CSMD1: variants seen among roughly 807,000 people sequenced by gnomAD.
CSMD1 encodes CUB and Sushi multiple domains 1.
In CSMD1, 213 loss-of-function variants were observed where a neutral mutation model predicts 417.5. The ratio of observed to expected loss-of-function variants is 0.51; its 90% CI spans 0.46 to 0.57. CSMD1 has a LOEUF of 0.57. Ranked by LOEUF, CSMD1 falls within the 20% of genes least tolerant of loss-of-function variation. The pLI is 0.00. For missense variants in CSMD1, 6,923 were observed against 4,529.7 expected (o/e 1.53, Z -15.17); for synonymous variants, 2,862 against 1,736.8 (o/e 1.65, Z -16.11).
At chr8:3,602,521 A>G (rs1047009894) in intron 8 of CSMD1, among the ~76,000 whole-genome samples, 2 of 152,172 alleles carry the variant, frequency 1.3e-5, no homozygotes, top group Admixed American at 6.6e-5. Flanking sequence ...CATATCACTG[A>G]TGATGATCTC....
chr8:4,991,126 A>G (rs748106759), intron 1 of CSMD1, among the ~76,000 whole-genome samples: 25 of 152,166 alleles, frequency 1.6e-4, no homozygotes, highest in Non-Finnish European at 2.9e-4. Flanking sequence ...ACAACTGAGA[A>G]GGAAACTTCT....
At chr8:4,107,268 G>T (rs922476871) in intron 3 of CSMD1, among the ~76,000 whole-genome samples, 1 of 152,132 alleles carries the variant, frequency 6.6e-6, no homozygotes, top group Non-Finnish European at 1.5e-5. Flanking sequence ...GATTCAAAGT[G>T]CTTGCCATTT....
chr8:4,754,651 A>T (rs1216025524), intron 1 of CSMD1, among the ~76,000 whole-genome samples: 1 of 151,926 alleles, frequency 6.6e-6, no homozygotes, highest in Non-Finnish European at 1.5e-5. Context: ...GGAGATCGAG[A>T]CAATCCTGGC....
chr8:4,466,864 A>G (rs939860986), intron 2 of CSMD1, among the ~76,000 whole-genome samples: 3 of 152,128 alleles, frequency 2.0e-5, no homozygotes, highest in African/African-American at 7.2e-5. Context: ...AGATGACTTC[A>G]GCGATGAGAC....
At chr8:2,948,745 C>A (rs1275966855) in intron 68 of CSMD1, among the ~76,000 whole-genome samples, 3 of 152,048 alleles carry the variant, frequency 2.0e-5, no homozygotes, top group Non-Finnish European at 4.4e-5. Context: ...AAATTCTAGA[C>A]AGAAAATTGT....
chr8:4,950,163 T>A (rs1477616516), intron 1 of CSMD1, among the ~76,000 whole-genome samples: 4 of 152,216 alleles, frequency 2.6e-5, no homozygotes, highest in African/African-American at 9.6e-5. Context: ...CACACTTTTG[T>A]ATATGATTGT....
In CSMD1 at chr8:4,932,774, G is replaced by T. The variant is rs144653048; in HGVS notation, c.85+61558C>A. On this transcript the variant is annotated intron_variant, in intron 1 of 69. Transcript: ENST00000635120. ...TAATCCAAGCTTACACTGACTTAAAGGTAAATTTTTAAATATTCAATAGAG... is the reference window on the plus strand; with the variant it reads ...TAATCCAAGCTTACACTGACTTAAATGTAAATTTTTAAATATTCAATAGAG... Among the ~76,000 whole-genome samples the T allele has an allele frequency of 2.7e-4, 41 of 152,208 alleles. No individual in the cohort carries two copies. The East Asian group carries it at 5.8e-3, about 22-fold the overall frequency.
chr8:4,306,175 T>A (rs1585198349), intron 3 of CSMD1, among the ~76,000 whole-genome samples: 1 of 152,230 alleles, frequency 6.6e-6, no homozygotes, highest in Non-Finnish European at 1.5e-5. Context: ...TAAAACACGC[T>A]GAAGTTGTCT....
At chr8:3,108,861 T>C (rs1276169489) in intron 43 of CSMD1, 113 bp from the exon 44 acceptor site, 2 of 1,021,226 alleles carry the variant, frequency 2.0e-6, no homozygotes, top group Non-Finnish European at 1.4e-6. Flanking sequence ...AACATATGCA[T>C]TCTCAGGATA....
At chr8:3,378,656 T>G (rs1810458250) in intron 18 of CSMD1, among the ~76,000 whole-genome samples, 1 of 152,166 alleles carries the variant, frequency 6.6e-6, no homozygotes, top group Non-Finnish European at 1.5e-5. Flanking sequence ...ACCACATGAT[T>G]ATCTCAAGAG....
In CSMD1 at chr8:4,196,072, G is replaced by A. The variant is rs569316310; in HGVS notation, c.416-163973C>T. Among the ~76,000 whole-genome samples, 22 of 152,184 alleles carry A rather than the reference G, an allele frequency of 1.4e-4. No individual in the cohort carries two copies. The South Asian group carries it at 2.7e-3, about 19-fold the overall frequency. On this transcript the variant is annotated intron_variant, in intron 3 of 69. Coordinates refer to ENST00000635120, the MANE Select transcript of CSMD1 (RefSeq NM_033225.6). ...TGAAAATACAAAAAATTAGCCGGGCGTGGTGACGGGCGCCTGTAGTCCCAG... is the reference window on the plus strand; with the variant it reads ...TGAAAATACAAAAAATTAGCCGGGCATGGTGACGGGCGCCTGTAGTCCCAG...
At chr8:3,876,677 A>G (rs1805847313) in intron 5 of CSMD1, among the ~76,000 whole-genome samples, 1 of 152,126 alleles carries the variant, frequency 6.6e-6, no homozygotes, top group African/African-American at 2.4e-5. Flanking sequence ...TGGTGCTATC[A>G]GTGCGCACTG....
intron 4 of CSMD1, among the ~76,000 whole-genome samples, chr8:4,012,195 A>G (rs1222504959): frequency 6.6e-5 from 10 of 152,082 alleles, no homozygotes; most frequent in Admixed American, 5.9e-4. Context: ...GGCTGACTGT[A>G]TATGATTCTA....
chr8:3,885,067 C>G (rs891640946), intron 5 of CSMD1, among the ~76,000 whole-genome samples: 1 of 151,850 alleles, frequency 6.6e-6, no homozygotes, highest in Non-Finnish European at 1.5e-5. Context: ...TTCTACCATG[C>G]TTATAAAGCA....
chr8:3,739,657 G>C (rs764338350), intron 6 of CSMD1, among the ~76,000 whole-genome samples: 6 of 152,162 alleles, frequency 3.9e-5, no homozygotes, highest in African/African-American at 2.4e-5. Context: ...AGGGAAATCT[G>C]TTAATGTTTA....
chr8:3,836,350 C>G (rs1802700936), intron 5 of CSMD1, among the ~76,000 whole-genome samples: 1 of 152,100 alleles, frequency 6.6e-6, no homozygotes, highest in Non-Finnish European at 1.5e-5. Flanking sequence ...CTATGAGGAA[C>G]TAGCTATATC....
intron 59 of CSMD1, among the ~76,000 whole-genome samples, chr8:2,965,431 C>T (rs746134275): frequency 1.6e-4 from 24 of 152,242 alleles, no homozygotes; most frequent in South Asian, 8.3e-4. Context: ...CACCATGCCA[C>T]GAACACCTCA....
At chr8:4,842,749 G>A (rs955446639) in intron 1 of CSMD1, among the ~76,000 whole-genome samples, 1 of 152,164 alleles carries the variant, frequency 6.6e-6, no homozygotes, top group African/African-American at 2.4e-5. Context: ...TATTTATTAT[G>A]CTAGCATTGA....
intron 5 of CSMD1, among the ~76,000 whole-genome samples, chr8:3,862,464 T>C (rs770183552): frequency 1.4e-4 from 21 of 152,328 alleles, no homozygotes; most frequent in Middle Eastern, 6.8e-3. Flanking sequence ...GTAATTCAAA[T>C]GTGAGCCTTT....
Sources: allele counts gnomAD v4.1 joint callset (sites outside exome capture counted in the v4.1 genomes callset), GRCh38; gene constraint gnomAD v4.1.1; transcripts MANE v1.5; gene names NCBI Gene and HGNC (gene_info 2026-07-23, HGNC 2026-07-21).